The following NPRL3 variants were observed in gnomAD, a reference collection of about 807,000 sequenced individuals.
NPRL3 encodes the protein NPR3 like, GATOR1 complex subunit.
NPRL3 carries 23 observed loss-of-function variants against 57.2 expected under a neutral mutation model. The ratio of observed to expected loss-of-function variants is 0.40; its 90% CI spans 0.29 to 0.57. The LOEUF (loss-of-function observed/expected upper bound fraction) is 0.57, where lower values mean the gene tolerates loss of function less well. NPRL3 is among the 20% of genes least tolerant of loss of function. The pLI, the probability that NPRL3 is intolerant of heterozygous loss-of-function variation, is 0.42. For synonymous variants in NPRL3, 333 were observed against 321.1 expected, an observed-to-expected ratio of 1.04 and a Z score of -0.39; for missense variants, 691 against 767.1, an observed-to-expected ratio of 0.90 and a Z score of 1.17.
chr16:92,869 G>T, intron 10 of NPRL3, 144 bp from the exon 11 acceptor site: 1 of 1,058,686 alleles, frequency 9.4e-7, no homozygotes, highest in South Asian at 1.5e-5. Context: ...AGGCCAGGCA[G>T]GCCTCCAGGT....
intron 1 of NPRL3, 29 bp from the exon 2 acceptor site, chr16:138,363 G>A (rs1322174716): frequency 2.0e-6 from 2 of 987,404 alleles, no homozygotes; most frequent in Admixed American, 5.1e-5. Context: ...GAGGCGGAGG[G>A]GGCCTGAGGA....
At position 88,772 on chromosome 16, in the gene NPRL3, C is replaced by A. The variant is rs1172480661; in HGVS notation, c.1470G>T (p.Leu490=). 2.5e-6 allele frequency: 4 copies of A among 1,613,218 alleles called. No individual in the cohort carries two copies. In the South Asian group the frequency reaches 3.3e-5, roughly 13 times the overall value. The change falls in exon 13 of 14, where the codon CTG becomes CTT. Residue 490 remains leucine, a synonymous_variant. Transcript: ENST00000611875. Reference sequence around the variant, plus strand: ...GGATGGCTGCGCGTTCATGCTCCGACAGGCTGGCCAGCAGGTTCTCCGTCA... The same window carrying A: ...GGATGGCTGCGCGTTCATGCTCCGAAAGGCTGGCCAGCAGGTTCTCCGTCA... ...QRMTENLLAS[L]SEHERAAILS... is the part of the protein sequence containing the mutation.
chr16:89,626 A>T, intron 12 of NPRL3, 87 bp downstream of exon 12: 1 of 1,266,786 alleles, frequency 7.9e-7, no homozygotes, highest in Non-Finnish European at 1.0e-6. Flanking sequence ...GCCCCTCATC[A>T]CTCACAGCAC....
In NPRL3 at chr16:85,411, T is replaced by C. The variant is rs770180276; in HGVS notation, c.*1294A>G. 1 of 1,606,712 alleles carries C rather than the reference T, an allele frequency of 6.2e-7. No individual in the cohort carries two copies. The highest frequency in any genetic ancestry group is 1.7e-5 in the Admixed American group (1 of 59,690). On this transcript the variant is annotated 3_prime_UTR_variant, in exon 14 of 14. Coordinates refer to ENST00000611875, the MANE Select transcript of NPRL3 (RefSeq NM_001077350.3). ...CTGTCCGTCCCACAGGGGACGGGGC[T>C]TGCGTCTTGCTGCGAGCACTGGAGC...
At chr16:118,493 G>A (rs993691294) in intron 4 of NPRL3, among the ~76,000 whole-genome samples, 9 of 152,148 alleles carry the variant, frequency 5.9e-5, no homozygotes, top group African/African-American at 9.7e-5. Context: ...AGGGTTTCAC[G>A]ATGCTAGTTA....
chr16:136,027 C>A (rs1281299271), intron 2 of NPRL3, among the ~76,000 whole-genome samples: 1 of 152,180 alleles, frequency 6.6e-6, no homozygotes, highest in Admixed American at 6.5e-5. Context: ...TATAATTTTT[C>A]ACCTACCAGA....
intron 8 of NPRL3, among the ~76,000 whole-genome samples, chr16:99,952 A>T (rs974632445): frequency 4.3e-5 from 4 of 93,136 alleles, no homozygotes; most frequent in Non-Finnish European, 8.5e-5. Context: ...ACACACACAC[A>T]CCCCCGCAAA....
intron 13 of NPRL3, 63 bp downstream of exon 13, chr16:88,635 C>G: frequency 3.5e-6 from 5 of 1,430,980 alleles, no homozygotes; most frequent in Non-Finnish European, 4.8e-6. Flanking sequence ...GCGTACGTCC[C>G]TATCCACTTT....
rs918550493 is a variant in NPRL3, at chr16:97,567, G to A, written c.924+578C>T. Reference sequence around the variant, plus strand: ...CCACACTCCAACCAGATCCGCAGACGAGGCTGAGGGGCCCTCCATCTAATC... The same window carrying A: ...CCACACTCCAACCAGATCCGCAGACAAGGCTGAGGGGCCCTCCATCTAATC... On this transcript the variant is annotated intron_variant, in intron 9 of 13. Coordinates refer to ENST00000611875, the MANE Select transcript of NPRL3 (RefSeq NM_001077350.3). Among the ~76,000 whole-genome samples the A allele has an allele frequency of 2.6e-5, 4 of 152,082 alleles. 1 individual carries two copies. The highest frequency in any genetic ancestry group is 4.2e-4 in the South Asian group (2 of 4,814).
At chr16:137,074 G>A (rs1288832146) in intron 2 of NPRL3, among the ~76,000 whole-genome samples, 1 of 1,084 alleles carries the variant, frequency 9.2e-4, no homozygotes, top group Non-Finnish European at 2.0e-3. Flanking sequence ...AAAAAAAATT[G>A]CAGGGTGTGG....
rs753940661 is a variant in NPRL3, at chr16:97,648, G to A, written c.924+497C>T. Among the ~76,000 whole-genome samples, 23 of 152,096 alleles carry A rather than the reference G, an allele frequency of 1.5e-4. 1 individual carries two copies. The highest frequency in any genetic ancestry group is 2.2e-4 in the African/African-American group (9 of 41,408). Reference sequence around the variant, plus strand: ...CATAAGCATGTGGCTCAGCAAGGACGTGGCATCTTGTACAGAGTGCACAGG... The same window carrying A: ...CATAAGCATGTGGCTCAGCAAGGACATGGCATCTTGTACAGAGTGCACAGG... On this transcript the variant is annotated intron_variant, in intron 9 of 13. Coordinates refer to ENST00000611875, the MANE Select transcript of NPRL3 (RefSeq NM_001077350.3).
intron 9 of NPRL3, 115 bp from the exon 10 acceptor site, chr16:93,440 C>T: frequency 2.8e-6 from 2 of 708,226 alleles, no homozygotes; most frequent in South Asian, 3.2e-5. Context: ...CTGGCCCCAG[C>T]CTCATGCAGA....
intron 4 of NPRL3, among the ~76,000 whole-genome samples, chr16:117,922 C>T (rs917593164): frequency 3.3e-5 from 5 of 152,238 alleles, no homozygotes; most frequent in Admixed American, 2.6e-4. Context: ...AAGCCAACTA[C>T]AAGTTCTGCC....
chr16:98,353 C>CA lies in NPRL3; in HGVS notation c.768-53_768-52insT, dbSNP rs1899113662. On this transcript the variant is annotated intron_variant, in intron 8 of 13. Coordinates refer to ENST00000611875, the MANE Select transcript of NPRL3 (RefSeq NM_001077350.3). ...CACACGAAGTGCAGGAACCCTGCAC[C>CA]GGGTATGCACCAGGTCCTGCACCAG... is the stretch of plus-strand genomic sequence containing the variant. The CA allele has an allele frequency of 3.8e-6, 6 of 1,583,520 alleles. No individual in the cohort carries two copies. The African/African-American group carries it at 4.1e-5, about 11-fold the overall frequency.
chr16:138,310 G>A lies in NPRL3; in HGVS notation c.-43C>T. 3.2e-6 allele frequency: 3 copies of A among 933,270 alleles called. No homozygotes were observed. Among genetic ancestry groups the A allele is most frequent in the Non-Finnish European group, 2.7e-6 (2 of 747,228 alleles). The allele number at this position is 933,270 out of a possible 1,614,324, so 57.8% of individuals were successfully genotyped here. A position where few individuals can be genotyped will look rare whatever the true frequency, so the allele number is the denominator to read the frequency against. On this transcript the variant is annotated 5_prime_UTR_variant, in exon 2 of 14. Coordinates refer to ENST00000611875, the MANE Select transcript of NPRL3 (RefSeq NM_001077350.3). The stretch of plus-strand genomic sequence containing the variant: ...GCCGGGGGCGGAGGGGGCCAGAGGA[G>A]GACGGAGCCGGAGGCGGAGGGGGCC...
In NPRL3 at chr16:88,764, T is replaced by C; in HGVS notation, c.1478A>G (p.His493Arg). 1.2e-6 allele frequency: 2 copies of C among 1,613,826 alleles called. No homozygotes were observed. The highest frequency in any genetic ancestry group is 1.7e-6 in the Non-Finnish European group (2 of 1,179,832). ...TACACTGAGGATGGCTGCGCGTTCA[T>C]GCTCCGACAGGCTGGCCAGCAGGTT... ...TENLLASLSE[H>R]ERAAILSVPA... The change falls in exon 13 of 14, where the codon CAT (histidine) becomes CGT (arginine). Residue 493 changes from histidine (H) to arginine (R), a missense_variant. Physicochemically the swap from His to Arg is conservative, Grantham distance 29. Transcript: ENST00000611875.
chr16:122,730 T>G (rs1347022785), intron 3 of NPRL3, among the ~76,000 whole-genome samples: 1 of 152,212 alleles, frequency 6.6e-6, no homozygotes, highest in Non-Finnish European at 1.5e-5. Context: ...CGAGCTATTC[T>G]GGAGTAGGGT....
In NPRL3 at chr16:101,138, G is replaced by A. The variant is rs149969483; in HGVS notation, c.630-629C>T. On this transcript the variant is annotated intron_variant, in intron 7 of 13. Coordinates refer to ENST00000611875, the MANE Select transcript of NPRL3 (RefSeq NM_001077350.3). ...GGCACTCTAACTCAGGCCCCTGCCC[G>A]TCCAGACCCCTGGCAGACACCCAAC... Among the ~76,000 whole-genome samples the A allele has an allele frequency of 8.2e-4, 125 of 152,160 alleles. 1 individual carries two copies. The East Asian group carries it at 0.02, about 25-fold the overall frequency.
chr16:113,603 C>G (rs141116149), intron 5 of NPRL3, among the ~76,000 whole-genome samples: 2 of 152,190 alleles, frequency 1.3e-5, no homozygotes, highest in African/African-American at 4.8e-5. Flanking sequence ...CTTGAGGGAG[C>G]AGATAACTGG....
Sources: allele counts gnomAD v4.1 joint callset (sites outside exome capture counted in the v4.1 genomes callset), GRCh38; gene constraint gnomAD v4.1.1; transcripts MANE v1.5; gene names NCBI Gene and HGNC (gene_info 2026-07-23, HGNC 2026-07-21).